Variants in LRMDA observed in about 807,000 individuals in gnomAD.
LRMDA encodes leucine rich melanocyte differentiation associated.
Under a neutral mutation model 29.8 loss-of-function variants are expected in LRMDA, and 18 were observed. The observed-to-expected ratio is 0.60, with a 90% CI of 0.42 to 0.90. The LOEUF is 0.90. LRMDA is among the 40% of genes least tolerant of loss of function. The pLI is 0.00. For missense variants in LRMDA, 273 were observed against 273.9 expected, an observed-to-expected ratio of 1.00 and a Z score of 0.02; for synonymous variants, 125 against 109.4, an observed-to-expected ratio of 1.14 and a Z score of -0.89.
rs11286208 is a variant in LRMDA at position 76,521,132 on chromosome 10, ATTT to A, written c.602-36060_602-36058del. On this transcript the variant is annotated intron_variant, in intron 6 of 6. Coordinates refer to ENST00000611255, the MANE Select transcript of LRMDA (RefSeq NM_001305581.2). Reference sequence around the variant, plus strand: ...TTGCTCCATTCTATTCATTATTACCATTTTTTTTTTTTTTTTTTTGAGACGGAG... The same window carrying A: ...TTGCTCCATTCTATTCATTATTACCATTTTTTTTTTTTTTTTGAGACGGAG... Among the ~76,000 whole-genome samples, 366 of 114,634 alleles carry A rather than the reference ATTT, an allele frequency of 3.2e-3. 1 individual carries two copies. Among genetic ancestry groups the A allele is most frequent in the Middle Eastern group, 0.022 (5 of 224 alleles). 75.2% of individuals were successfully genotyped at this position (114,634 alleles called of 152,430 possible). A position where few individuals can be genotyped will look rare whatever the true frequency, so the allele number is the denominator to read the frequency against.
intron 2 of LRMDA, among the ~76,000 whole-genome samples, chr10:75,546,652 G>A (rs997953918): frequency 3.9e-5 from 6 of 152,092 alleles, no homozygotes; most frequent in African/African-American, 1.2e-4. Flanking sequence ...CTTATGCATT[G>A]GAATTATAAG....
intron 2 of LRMDA, among the ~76,000 whole-genome samples, chr10:75,616,234 TAGCAGTAGCAGC>T (rs1841096692): frequency 1.2e-4 from 17 of 146,788 alleles, no homozygotes; most frequent in African/African-American, 3.6e-4. Context: ...ACAGTAATAG[TAGCAGTAGCAGC>T]AGTAGCAGCA....
At chr10:75,564,042 G>T (rs1198163517) in intron 2 of LRMDA, among the ~76,000 whole-genome samples, 2 of 152,184 alleles carry the variant, frequency 1.3e-5, no homozygotes, top group Non-Finnish European at 2.9e-5. Context: ...CGTGCTGGGA[G>T]AACCACTGCT....
intron 2 of LRMDA, among the ~76,000 whole-genome samples, chr10:75,488,592 G>C (rs2915033): frequency 1 from 151,740 of 152,328 alleles, 75,576 homozygotes; most frequent in East Asian, 1. Flanking sequence ...TTTTCTTCAT[G>C]TCCTCTTTTG....
At chr10:75,836,028 T>G (rs1844429548) in intron 2 of LRMDA, among the ~76,000 whole-genome samples, 1 of 152,124 alleles carries the variant, frequency 6.6e-6, no homozygotes, top group Non-Finnish European at 1.5e-5. Flanking sequence ...GCACTTGCAC[T>G]GAATAAGAAA....
intron 2 of LRMDA, among the ~76,000 whole-genome samples, chr10:75,648,605 C>T (rs1841559143): frequency 6.6e-6 from 1 of 152,096 alleles, no homozygotes; most frequent in African/African-American, 2.4e-5. Context: ...TCAAGCCCTA[C>T]AAAGACTCTG....
At chr10:75,677,181 A>G (rs923770465) in intron 2 of LRMDA, among the ~76,000 whole-genome samples, 4 of 152,192 alleles carry the variant, frequency 2.6e-5, no homozygotes, top group Non-Finnish European at 4.4e-5. Context: ...TTGTTGCAGA[A>G]CATTTCTTTC....
rs138599169 is a variant in LRMDA, at chr10:75,941,625, G to T, written c.132-94383G>T. ...GGCAGATCTGCGACTTGATTGGCTT[G>T]GGTTGCCTAACATTGATTAGAATTT... On this transcript the variant is annotated intron_variant, in intron 2 of 6. Coordinates refer to ENST00000611255, the MANE Select transcript of LRMDA (RefSeq NM_001305581.2). 4.0e-3 allele frequency among the ~76,000 whole-genome samples: 609 copies of T among 152,170 alleles called. 5 individuals carry two copies. Among genetic ancestry groups the T allele is most frequent in the African/African-American group, 0.014 (586 of 41,516 alleles).
chr10:75,789,848 T>G (rs531454980), intron 2 of LRMDA, among the ~76,000 whole-genome samples: 24 of 152,314 alleles, frequency 1.6e-4, no homozygotes, highest in African/African-American at 5.8e-4. Context: ...ATAGCATGTC[T>G]GATTTCAGGA....
chr10:75,491,493 T>G (rs1844986980), intron 2 of LRMDA, among the ~76,000 whole-genome samples: 1 of 152,186 alleles, frequency 6.6e-6, no homozygotes, highest in African/African-American at 2.4e-5. Flanking sequence ...ATGTATTACT[T>G]TCTCTGGGCT....
intron 5 of LRMDA, among the ~76,000 whole-genome samples, chr10:76,210,346 A>G (rs1403343456): frequency 3.3e-5 from 5 of 152,206 alleles, no homozygotes; most frequent in Non-Finnish European, 4.4e-5. Context: ...AATGGAATGC[A>G]AAGTAGCAAA....
intron 5 of LRMDA, among the ~76,000 whole-genome samples, chr10:76,300,916 G>A (rs891910831): frequency 1.3e-5 from 2 of 152,150 alleles, no homozygotes; most frequent in African/African-American, 4.8e-5. Flanking sequence ...AAACAGGAGG[G>A]CTTATGGGAA....
At chr10:76,359,455 T>C (rs1370927314) in intron 6 of LRMDA, among the ~76,000 whole-genome samples, 5 of 152,126 alleles carry the variant, frequency 3.3e-5, no homozygotes, top group Non-Finnish European at 7.4e-5. Context: ...GGGAAGCTAG[T>C]TGGTAGAGTG....
intron 2 of LRMDA, among the ~76,000 whole-genome samples, chr10:75,848,142 T>C (rs1844672525): frequency 1.3e-5 from 2 of 152,158 alleles, no homozygotes; most frequent in African/African-American, 4.8e-5. Flanking sequence ...TTAACAATAG[T>C]CAGTAGGTAG....
At chr10:75,486,719 C>T (rs1219152379) in intron 2 of LRMDA, among the ~76,000 whole-genome samples, 1 of 152,156 alleles carries the variant, frequency 6.6e-6, no homozygotes, top group African/African-American at 2.4e-5. Context: ...CACCCTCCTC[C>T]TTGGGCTTTC....
chr10:76,357,367 T>A (rs1841254616), intron 6 of LRMDA, among the ~76,000 whole-genome samples: 1 of 152,182 alleles, frequency 6.6e-6, no homozygotes, highest in Non-Finnish European at 1.5e-5. Context: ...ACCACGGAGT[T>A]CAGGTTGGCA....
At chr10:76,344,843 T>C (rs551653572) in intron 6 of LRMDA, among the ~76,000 whole-genome samples, 4 of 151,580 alleles carry the variant, frequency 2.6e-5, no homozygotes, top group Non-Finnish European at 5.9e-5. Context: ...GAAAAAAATT[T>C]AGATACATAC....
intron 2 of LRMDA, among the ~76,000 whole-genome samples, chr10:75,556,952 A>C (rs537026090): frequency 6.6e-6 from 1 of 152,228 alleles, no homozygotes; most frequent in South Asian, 2.1e-4. Flanking sequence ...ATTCTAAAAA[A>C]AAACTTCAAA....
rs190435459 is a variant in LRMDA at position 76,516,645 on chromosome 10, A to G, written c.602-40564A>G. On this transcript the variant is annotated intron_variant, in intron 6 of 6. Coordinates refer to ENST00000611255, the MANE Select transcript of LRMDA (RefSeq NM_001305581.2). ...GCTGAGAATGATGGTTTCCAGTTTC[A>G]TCCATGTCCCTACAAAGGACACGAA... is the stretch of plus-strand genomic sequence containing the variant. Among the ~76,000 whole-genome samples, 464 of 152,108 alleles carry G rather than the reference A, an allele frequency of 3.1e-3. 3 individuals carry two copies. Among genetic ancestry groups the G allele is most frequent in the African/African-American group, 0.01 (427 of 41,498 alleles).
Sources: gnomAD v4.1 joint callset for allele counts (sites outside exome capture counted in the v4.1 genomes callset) on GRCh38, gnomAD v4.1.1 for gene constraint, MANE v1.5 for transcripts, NCBI Gene and HGNC (gene_info 2026-07-23, HGNC 2026-07-21) for gene names.